The following ZNF556 variants were observed in gnomAD, a reference collection of about 807,000 sequenced individuals.
ZNF556 encodes zinc finger protein 556.
A neutral mutation model predicts 13.6 loss-of-function variants in ZNF556; 11 were observed. The observed-to-expected ratio is 0.81, with a 90% confidence interval of 0.51 to 1.33. The LOEUF (loss-of-function observed/expected upper bound fraction) is 1.33, where lower values mean the gene tolerates loss of function less well. Among genes scored for constraint, ZNF556 ranks in the 40% most tolerant of loss-of-function variants. The pLI is 0.00. For synonymous variants in ZNF556, 229 were observed against 207.8 expected, an observed-to-expected ratio of 1.10 and a Z score of -0.88; for missense variants, 633 against 566.2, an observed-to-expected ratio of 1.12 and a Z score of -1.20.
At position 2,867,421 on chromosome 19, in the gene ZNF556, C is replaced by G. The variant is rs902897524; in HGVS notation, c.-1C>G. On this transcript the variant is annotated 5_prime_UTR_variant, in exon 1 of 4. Coordinates refer to ENST00000307635, the MANE Select transcript of ZNF556 (RefSeq NM_024967.3). ...TCAAAGAGCTCAGGAACGGACAGGA[C>G]ATGGTGAGTGCAGGGCAGGAGCCGA... is the stretch of plus-strand genomic sequence containing the variant. 1.9e-6 allele frequency: 3 copies of G among 1,584,854 alleles called. No individual in the cohort carries two copies. The highest frequency in any genetic ancestry group is 2.6e-6 in the Non-Finnish European group (3 of 1,167,136).
At position 2,877,552 on chromosome 19, in the gene ZNF556, T is replaced by G. The variant is rs748227230; in HGVS notation, c.594T>G (p.Ser198Arg). 1.2e-5 allele frequency: 20 copies of G among 1,614,064 alleles called. No individual in the cohort carries two copies. The highest frequency in any genetic ancestry group is 1.6e-5 in the Non-Finnish European group (19 of 1,180,002). The change falls in exon 4 of 4, where the codon AGT becomes AGG. Residue 198 changes from serine (S) to arginine (R), a missense_variant. By Grantham distance (110) the Ser-to-Arg change is moderately radical. Transcript: ENST00000307635. ...TACAGACGCATGAGAAAACTCACAG[T>G]GGAGAGAAACCCTATGCCTGTCAAT... is the stretch of plus-strand genomic sequence containing the variant. Reference protein sequence around the residue: ...SYLQTHEKTHSGEKPYACQSC... With the variant: ...SYLQTHEKTHRGEKPYACQSC...
intron 3 of ZNF556, among the ~76,000 whole-genome samples, chr19:2,876,705 G>A (rs1244574764): frequency 6.6e-6 from 1 of 151,304 alleles, no homozygotes; most frequent in Admixed American, 6.6e-5. Flanking sequence ...GGGCAACAGA[G>A]TGAGACTCTA....
intron 1 of ZNF556, among the ~76,000 whole-genome samples, chr19:2,872,587 T>C (rs2087812769): frequency 6.6e-6 from 1 of 152,154 alleles, no homozygotes; most frequent in African/African-American, 2.4e-5. Flanking sequence ...CTATATCTGG[T>C]ATAACTATTC....
At chr19:2,874,472 C>T (rs1190807241) in intron 2 of ZNF556, among the ~76,000 whole-genome samples, 2 of 151,868 alleles carry the variant, frequency 1.3e-5, no homozygotes, top group Non-Finnish European at 2.9e-5. Flanking sequence ...CAGCCAGGCG[C>T]GGTGGCTCAT....
At position 2,882,325 on chromosome 19, in the gene ZNF556, G is replaced by A. The variant is rs1451490416; in HGVS notation, c.*3996G>A. 6 of 151,598 alleles carry A rather than the reference G, an allele frequency of 4.0e-5. No homozygotes were observed. The highest frequency in any genetic ancestry group is 7.4e-5 in the Non-Finnish European group (5 of 67,978). The allele number at this position is 151,598 out of a possible 1,614,324, so 9.4% of individuals were successfully genotyped here. On this transcript the variant is annotated 3_prime_UTR_variant, in exon 4 of 4. Transcript: ENST00000307635. ...TGCCTGTAGTCCCAGCTACTCGGGA[G>A]GCTGAGGCAGGAGAATGGCGTGAAC...
chr19:2,874,548 T>C (rs2087833432), intron 2 of ZNF556, among the ~76,000 whole-genome samples: 1 of 151,754 alleles, frequency 6.6e-6, no homozygotes, highest in Non-Finnish European at 1.5e-5. Context: ...TTTGATACCA[T>C]CCTGGCTAAC....
rs1464175604 is a variant in ZNF556, at chr19:2,877,744, G to A, written c.786G>A (p.Lys262=). ...MHAGGRPYEC[K]HCGKAFRCQK... is the part of the protein sequence containing the mutation. ...CCGGAGGGAGACCGTATGAGTGCAA[G>A]CACTGTGGGAAAGCCTTCAGGTGTC... The change falls in exon 4 of 4, where the codon AAG becomes AAA. Residue 262 remains lysine, a synonymous_variant. Transcript: ENST00000307635. 1.9e-6 allele frequency: 3 copies of A among 1,613,498 alleles called. No homozygotes were observed. Among genetic ancestry groups the A allele is most frequent in the East Asian group, 2.2e-5 (1 of 44,824 alleles).
At chr19:2,867,466 G>A in intron 1 of ZNF556, 42 bp downstream of exon 1, 2 of 1,573,398 alleles carry the variant, frequency 1.3e-6, no homozygotes, top group Non-Finnish European at 1.7e-6. Flanking sequence ...GGAGCCCTGG[G>A]AGGGGAGGGT....
Position 2,880,215 on chromosome 19 carries a change from A to C in ZNF556, c.*1886A>C, listed in dbSNP as rs114520865. 1.3e-5 allele frequency: 2 copies of C among 152,164 alleles called. No homozygotes were observed. The highest frequency in any genetic ancestry group is 1.3e-4 in the Admixed American group (2 of 15,266). 9.4% of individuals were successfully genotyped at this position (152,164 alleles called of 1,614,324 possible). A position where few individuals can be genotyped will look rare whatever the true frequency, so the allele number is the denominator to read the frequency against. ...CACATAGAGCTGAATACAATCTCTC[A>C]GTATGTGTTCAGTTATTATGTTTGA... On this transcript the variant is annotated 3_prime_UTR_variant, in exon 4 of 4. Coordinates refer to ENST00000307635, the MANE Select transcript of ZNF556 (RefSeq NM_024967.3).
In ZNF556 at chr19:2,882,865, T is replaced by C. The variant is rs2087915835; in HGVS notation, c.*4536T>C. 6.6e-6 allele frequency: 1 copy of C among 152,220 alleles called. No individual in the cohort carries two copies. 9.4% of individuals were successfully genotyped at this position (152,220 alleles called of 1,614,324 possible). A position where few individuals can be genotyped will look rare whatever the true frequency, so the allele number is the denominator to read the frequency against. ...CACCGCACCAGGCCCATGTCATATG[T>C]TTTTATGAGTTTGGACATTGGCATC... is the stretch of plus-strand genomic sequence containing the variant. On this transcript the variant is annotated 3_prime_UTR_variant, in exon 4 of 4. Transcript: ENST00000307635.
In ZNF556 at chr19:2,873,632, G is replaced by A. The variant is rs764599519; in HGVS notation, c.130+10G>A. The stretch of plus-strand genomic sequence containing the variant: ...CACCTGGCCTCAGTAGGTGAGGATA[G>A]CATTATTTCTGCACTTAGTTATTAG... On this transcript the variant is annotated intron_variant, in intron 2 of 3. Transcript: ENST00000307635. The A allele has an allele frequency of 2.5e-6, 4 of 1,610,404 alleles. No homozygotes were observed. Among genetic ancestry groups the A allele is most frequent in the Admixed American group, 1.7e-5 (1 of 59,770 alleles).
At chr19:2,873,000 G>A (rs2087817985) in intron 1 of ZNF556, among the ~76,000 whole-genome samples, 1 of 151,810 alleles carries the variant, frequency 6.6e-6, no homozygotes, top group Non-Finnish European at 1.5e-5. Flanking sequence ...AGGCATGTTG[G>A]TGTGCATCTG....
At chr19:2,874,789 G>T (rs10424456) in intron 2 of ZNF556, among the ~76,000 whole-genome samples, 2 of 141,480 alleles carry the variant, frequency 1.4e-5, no homozygotes, top group African/African-American at 5.1e-5. Context: ...AAAAAGAAAA[G>T]ACTTAGGGTC....
rs1417617122 is a variant in ZNF556, at chr19:2,878,533, G to A, written c.*204G>A. 68 of 435,904 alleles carry A rather than the reference G, an allele frequency of 1.6e-4. No individual in the cohort carries two copies. Among genetic ancestry groups the A allele is most frequent in the Middle Eastern group, 7.2e-4 (1 of 1,388 alleles). The allele number at this position is 435,904 out of a possible 1,614,324, so 27.0% of individuals were successfully genotyped here. On this transcript the variant is annotated 3_prime_UTR_variant, in exon 4 of 4. Transcript: ENST00000307635. ...AAAAAAAAAATACAAAAAATTAGCCGGGCGTGGTGGCGGGCACCTGTAGTC... is the reference window on the plus strand; with the variant it reads ...AAAAAAAAAATACAAAAAATTAGCCAGGCGTGGTGGCGGGCACCTGTAGTC...
intron 1 of ZNF556, among the ~76,000 whole-genome samples, chr19:2,867,821 G>C (rs907144639): frequency 2.6e-5 from 4 of 152,108 alleles, no homozygotes; most frequent in African/African-American, 9.7e-5. Context: ...CACGTCCCTG[G>C]GAGGGGCGAG....
Position 2,882,551 on chromosome 19 carries a change from T to TGTG in ZNF556, c.*4223_*4225dup, listed in dbSNP as rs1040523411. The stretch of plus-strand genomic sequence containing the variant: ...TATATAGTGTGTGTGTGTGTGTGTG[T>TGTG]GTGTGTGTGTGTGTGAATGTGTGTG... On this transcript the variant is annotated 3_prime_UTR_variant, in exon 4 of 4. Transcript: ENST00000307635. The TGTG allele has an allele frequency of 1.3e-5, 2 of 151,640 alleles. No homozygotes were observed. Among genetic ancestry groups the TGTG allele is most frequent in the African/African-American group, 4.9e-5 (2 of 40,994 alleles). 9.4% of individuals were successfully genotyped at this position (151,640 alleles called of 1,614,324 possible). A position where few individuals can be genotyped will look rare whatever the true frequency, so the allele number is the denominator to read the frequency against.
At chr19:2,875,912 C>T (rs574939461) in intron 2 of ZNF556, among the ~76,000 whole-genome samples, 181 bp from the exon 3 acceptor site, 17 of 152,104 alleles carry the variant, frequency 1.1e-4, no homozygotes, top group Admixed American at 2.6e-4. Flanking sequence ...TGCAGTGAGC[C>T]GAGATCGCGC....
At position 2,873,559 on chromosome 19, in the gene ZNF556, C is replaced by T. The variant is rs768635853; in HGVS notation, c.67C>T (p.Pro23Ser). 1.2e-6 allele frequency: 2 copies of T among 1,614,116 alleles called. No individual in the cohort carries two copies. Among genetic ancestry groups the T allele is most frequent in the South Asian group, 2.2e-5 (2 of 91,078 alleles). ...FTLEEWALLN[P>S]AQRKLYRDVM... is the part of the protein sequence containing the mutation. Reference sequence around the variant, plus strand: ...GCTGGAGGAGTGGGCCTTGCTGAATCCTGCTCAGAGAAAACTCTACAGAGA... The same window carrying T: ...GCTGGAGGAGTGGGCCTTGCTGAATTCTGCTCAGAGAAAACTCTACAGAGA... Residue 23 changes from proline (P) to serine (S), a missense_variant, in exon 2 of 4, where the codon CCT (proline) becomes TCT (serine). By Grantham distance (74) the Pro-to-Ser change is moderately conservative. Transcript: ENST00000307635.
chr19:2,871,199 C>A (rs2087800355), intron 1 of ZNF556, among the ~76,000 whole-genome samples: 1 of 151,770 alleles, frequency 6.6e-6, no homozygotes, highest in Admixed American at 6.6e-5. Context: ...CACATATATA[C>A]AGTTAAATGT....
Sources: allele counts gnomAD v4.1 joint callset (sites outside exome capture counted in the v4.1 genomes callset), GRCh38; gene constraint gnomAD v4.1.1; transcripts MANE v1.5; gene names NCBI Gene and HGNC (gene_info 2026-07-23, HGNC 2026-07-21).